Variants in ATF7 observed in about 807,000 individuals in gnomAD.
ATF7 encodes activating transcription factor 7.
A neutral mutation model predicts 50.4 loss-of-function variants in ATF7; 10 were observed. The observed-to-expected ratio is 0.20, with a 90% CI of 0.12 to 0.34. The LOEUF (loss-of-function observed/expected upper bound fraction) is 0.34, where lower values mean the gene tolerates loss of function less well. Among genes scored for constraint, ATF7 ranks in the 10% least tolerant of loss-of-function variants. ATF7 has a pLI of 1.00. For synonymous variants in ATF7, 201 were observed against 226.4 expected (o/e 0.89, Z 1.01); for missense variants, 465 against 613.9 (o/e 0.76, Z 2.56).
rs1937647894 is a variant in ATF7, at chr12:53,515,464, G to A, written c.*1673C>T. On this transcript the variant is annotated 3_prime_UTR_variant, in exon 12 of 12. Coordinates refer to ENST00000420353, the MANE Select transcript of ATF7 (RefSeq NM_006856.3). ...AAAGTGGCTCTGGGACAACTGGAAGGGTTTCATACGGAAAGGCAATTAAAG... is the reference window on the plus strand; with the variant it reads ...AAAGTGGCTCTGGGACAACTGGAAGAGTTTCATACGGAAAGGCAATTAAAG... 6.6e-6 allele frequency: 1 copy of A among 152,148 alleles called. No homozygotes were observed. The allele number at this position is 152,148 out of a possible 1,614,324, so 9.4% of individuals were successfully genotyped here. A position where few individuals can be genotyped will look rare whatever the true frequency, so the allele number is the denominator to read the frequency against.
intron 1 of ATF7, among the ~76,000 whole-genome samples, chr12:53,610,609 T>C (rs1400096363): frequency 6.6e-6 from 1 of 151,766 alleles, no homozygotes; most frequent in African/African-American, 2.4e-5. Flanking sequence ...ACCACATCTA[T>C]TTACAACCTC....
rs1565940824 is a variant in ATF7 at position 53,546,998 on chromosome 12, T to TTC, written c.146-3551_146-3550insGA. On this transcript the variant is annotated intron_variant, in intron 3 of 11. Coordinates refer to ENST00000420353, the MANE Select transcript of ATF7 (RefSeq NM_006856.3). Reference sequence around the variant, plus strand: ...GGCTCTTTTTTTTTTTTTTTTTTTTTCCTTGAGACAGAGTCTCTCTCTGTA... The same window carrying TTC: ...GGCTCTTTTTTTTTTTTTTTTTTTTTTCCCTTGAGACAGAGTCTCTCTCTGTA... Among the ~76,000 whole-genome samples the TTC allele has an allele frequency of 1.2e-4, 17 of 142,340 alleles. 1 individual carries two copies. The highest frequency in any genetic ancestry group is 2.3e-4 in the Non-Finnish European group (15 of 64,882). The allele number at this position is 142,340 out of a possible 152,430, so 93.4% of individuals were successfully genotyped here.
chr12:53,610,187 GT>G (rs1168887790), intron 1 of ATF7, among the ~76,000 whole-genome samples: 1 of 152,038 alleles, frequency 6.6e-6, no homozygotes, highest in African/African-American at 2.4e-5. Context: ...GAGGCAGAGA[GT>G]TACAAAATAT....
chr12:53,600,933 A>C lies in ATF7; in HGVS notation c.48+20T>G, dbSNP rs1294594855. The C allele has an allele frequency of 8.7e-6, 14 of 1,611,718 alleles. No homozygotes were observed. The highest frequency in any genetic ancestry group is 1.2e-5 in the Non-Finnish European group (14 of 1,178,766). On this transcript the variant is annotated intron_variant, in intron 2 of 11. Coordinates refer to ENST00000420353, the MANE Select transcript of ATF7 (RefSeq NM_006856.3). ...TGATTCACAACGAGACATTCACAAT[A>C]AAGTATATTGTAAACGTACCTGTCC...
At chr12:53,520,074 CTT>C (rs758224785) in intron 11 of ATF7, among the ~76,000 whole-genome samples, 4 of 152,180 alleles carry the variant, frequency 2.6e-5, no homozygotes, top group Non-Finnish European at 4.4e-5. Context: ...TCTTGAAACA[CTT>C]TTTTATTTTG....
At position 53,533,149 on chromosome 12, in the gene ATF7, A is replaced by G. The variant is rs368805890; in HGVS notation, c.660+11T>C. The G allele has an allele frequency of 6.2e-7, 1 of 1,605,022 alleles. No individual in the cohort carries two copies. Among genetic ancestry groups the G allele is most frequent in the Non-Finnish European group, 8.5e-7 (1 of 1,172,056 alleles). On this transcript the variant is annotated intron_variant, in intron 7 of 11. Coordinates refer to ENST00000420353, the MANE Select transcript of ATF7 (RefSeq NM_006856.3). ...GTTGGTAGGGTTGGCTGCCCCAACT[A>G]CAGAGCTCACCGATATAACAGACGG...
At chr12:53,570,681 AT>A (rs1177687914) in intron 2 of ATF7, among the ~76,000 whole-genome samples, 3 of 151,668 alleles carry the variant, frequency 2.0e-5, no homozygotes, top group Non-Finnish European at 4.4e-5. Context: ...AGTCTTTGGC[AT>A]TCCTTGACTT....
intron 4 of ATF7, among the ~76,000 whole-genome samples, chr12:53,540,196 C>T (rs1939457914): frequency 6.6e-6 from 1 of 151,344 alleles, no homozygotes; most frequent in South Asian, 2.1e-4. Flanking sequence ...ACTAAAAATA[C>T]AAAAATTAGC....
chr12:53,623,641 AAGG>A (rs1944490374), intron 1 of ATF7, among the ~76,000 whole-genome samples: 1 of 152,186 alleles, frequency 6.6e-6, no homozygotes, highest in Non-Finnish European at 1.5e-5. Context: ...ACTTCCTTGC[AAGG>A]AGAAGGCTCC....
intron 2 of ATF7, among the ~76,000 whole-genome samples, chr12:53,597,953 C>T (rs949676231): frequency 1.3e-5 from 2 of 152,104 alleles, no homozygotes; most frequent in Non-Finnish European, 2.9e-5. Flanking sequence ...GTCCTTATTA[C>T]CCATCCTGGG....
At chr12:53,612,647 G>A (rs1320074711) in intron 1 of ATF7, among the ~76,000 whole-genome samples, 1 of 152,116 alleles carries the variant, frequency 6.6e-6, no homozygotes, top group Admixed American at 6.6e-5. Context: ...AGATCTTTCA[G>A]GGGGTTCATG....
chr12:53,578,125 T>C (rs1056840565), intron 2 of ATF7, among the ~76,000 whole-genome samples: 30 of 152,022 alleles, frequency 2.0e-4, no homozygotes, highest in African/African-American at 5.6e-4. Context: ...GTGGCTCACG[T>C]CTATAATCCC....
At chr12:53,525,314 T>C (rs1374743421) in intron 9 of ATF7, among the ~76,000 whole-genome samples, 1 of 152,078 alleles carries the variant, frequency 6.6e-6, no homozygotes, top group East Asian at 1.9e-4. Flanking sequence ...GATCATGCCA[T>C]TGCACTCCAG....
At chr12:53,517,431 G>T in intron 11 of ATF7, 77 bp from the exon 12 acceptor site, 1 of 1,410,170 alleles carries the variant, frequency 7.1e-7, no homozygotes, top group Non-Finnish European at 9.8e-7. Context: ...ACTACCTTTT[G>T]CCATAATTCT....
At chr12:53,552,194 C>G (rs1175444095) in intron 3 of ATF7, among the ~76,000 whole-genome samples, 1 of 152,118 alleles carries the variant, frequency 6.6e-6, no homozygotes, top group African/African-American at 2.4e-5. Context: ...TTTGTTCACC[C>G]CTTTGCTGTG....
At chr12:53,612,679 A>G (rs1245680963) in intron 1 of ATF7, among the ~76,000 whole-genome samples, 1 of 152,170 alleles carries the variant, frequency 6.6e-6, no homozygotes, top group African/African-American at 2.4e-5. Flanking sequence ...ATTCATGAGT[A>G]AAAGATCTAT....
rs1021243143 is a variant in ATF7 at position 53,516,862 on chromosome 12, C to T, written c.*275G>A. 3.2e-5 allele frequency: 16 copies of T among 497,214 alleles called. No homozygotes were observed. Among genetic ancestry groups the T allele is most frequent in the African/African-American group, 1.7e-4 (9 of 51,804 alleles). 30.8% of individuals were successfully genotyped at this position (497,214 alleles called of 1,614,324 possible). A position where few individuals can be genotyped will look rare whatever the true frequency, so the allele number is the denominator to read the frequency against. Reference sequence around the variant, plus strand: ...CGTGCATGGGGCAGGGGTGATTGTTCGGACCATCTGGAAAGGCCTTTGGCT... The same window carrying T: ...CGTGCATGGGGCAGGGGTGATTGTTTGGACCATCTGGAAAGGCCTTTGGCT... On this transcript the variant is annotated 3_prime_UTR_variant, in exon 12 of 12. Coordinates refer to ENST00000420353, the MANE Select transcript of ATF7 (RefSeq NM_006856.3).
chr12:53,532,526 G>A lies in ATF7; in HGVS notation c.758C>T (p.Pro253Leu), dbSNP rs1421720665. 6.2e-7 allele frequency: 1 copy of A among 1,600,686 alleles called. No homozygotes were observed. The highest frequency in any genetic ancestry group is 1.7e-4 in the Middle Eastern group (1 of 6,030). ...TGTACTCACCATCTTGGCTTCTGAT[G>A]GTATAGGGTGGCCAGAGGGAGAAAT... ...GSISPSGHPI[P>L]SEAKMRLKAT... Residue 253 changes from proline (P) to leucine (L), a missense_variant, in exon 8 of 12, where the codon CCA becomes CTA. Coordinates refer to ENST00000420353, the MANE Select transcript of ATF7 (RefSeq NM_006856.3).
chr12:53,532,456 A>G (rs1938959321), intron 8 of ATF7, 54 bp downstream of exon 8: 1 of 1,397,384 alleles, frequency 7.2e-7, no homozygotes, highest in Non-Finnish European at 9.9e-7. Context: ...CTAGGCTGGT[A>G]TCACCCACTT....
Sources: gnomAD v4.1 joint callset for allele counts (sites outside exome capture counted in the v4.1 genomes callset) on GRCh38, gnomAD v4.1.1 for gene constraint, MANE v1.5 for transcripts, NCBI Gene and HGNC (gene_info 2026-07-23, HGNC 2026-07-21) for gene names.